UNC13C: variants seen among roughly 807,000 people sequenced by gnomAD.
The protein encoded by UNC13C is protein unc-13 homolog C.
A neutral mutation model predicts 245.4 loss-of-function variants in UNC13C; 174 were observed. That is an observed-to-expected ratio of 0.71 (90% CI 0.63 to 0.80). The LOEUF (loss-of-function observed/expected upper bound fraction) is 0.80, where lower values mean the gene tolerates loss of function less well. UNC13C is among the 30% of genes least tolerant of loss of function. The pLI is 0.00. For missense variants in UNC13C, 2,829 were observed against 2,602.9 expected, an observed-to-expected ratio of 1.09 and a Z score of -1.89; for synonymous variants, 992 against 895.1, an observed-to-expected ratio of 1.11 and a Z score of -1.93.
chr15:54,097,675 G>A (rs1486386370), intron 2 of UNC13C, among the ~76,000 whole-genome samples: 3 of 152,116 alleles, frequency 2.0e-5, no homozygotes, highest in Non-Finnish European at 1.5e-5. Context: ...AAGTCCTCAT[G>A]TAATTCATCT....
At chr15:53,970,126 C>A in the UNC13C span, among the ~76,000 whole-genome samples, 150 of 151,812 alleles carry the variant, frequency 9.9e-4, no homozygotes, top group Non-Finnish European at 1.8e-3. Flanking sequence ...TCTTGGCTCA[C>A]TCCTCACTCC....
At chr15:54,252,012 G>T (rs1026770619) in intron 8 of UNC13C, among the ~76,000 whole-genome samples, 5 of 152,128 alleles carry the variant, frequency 3.3e-5, no homozygotes, top group African/African-American at 1.2e-4. Context: ...TATTTTAAAG[G>T]AAGGGGGATT....
chr15:53,892,001 G>A, the UNC13C span, among the ~76,000 whole-genome samples: 1 of 152,184 alleles, frequency 6.6e-6, no homozygotes, highest in Non-Finnish European at 1.5e-5. Context: ...GCTGGTACCG[G>A]TTGTTCCTTT....
rs1206243114 is a variant in UNC13C, at chr15:53,996,463, G to A, written c.-256-16185G>A. Among the ~76,000 whole-genome samples, 20 of 152,002 alleles carry A rather than the reference G, an allele frequency of 1.3e-4. No homozygotes were observed. The South Asian group carries it at 1.7e-3, about 13-fold the overall frequency. On this transcript the variant is annotated intron_variant, in intron 1 of 32. Coordinates refer to ENST00000260323, the MANE Select transcript of UNC13C (RefSeq NM_001080534.3). ...TGAACCACTTTTTCTGTATATATTC[G>A]TATTTTATTATTTAGATATTTTTAT...
chr15:53,941,715 A>G, the UNC13C span, among the ~76,000 whole-genome samples: 1 of 152,238 alleles, frequency 6.6e-6, no homozygotes, highest in African/African-American at 2.4e-5. Context: ...CAAAATTACA[A>G]GAAAAAAACA....
At chr15:54,472,033 T>C (rs1015794821) in intron 19 of UNC13C, among the ~76,000 whole-genome samples, 2 of 151,816 alleles carry the variant, frequency 1.3e-5, no homozygotes, top group Non-Finnish European at 3.0e-5. Context: ...AGATCCTTTA[T>C]TCCTTTCTGT....
intron 17 of UNC13C, among the ~76,000 whole-genome samples, chr15:54,380,580 C>A (rs571831651): frequency 4.1e-4 from 62 of 152,220 alleles, no homozygotes; most frequent in African/African-American, 1.4e-3. Context: ...ACATTCCCAT[C>A]AAAAGTGTGC....
the UNC13C span, among the ~76,000 whole-genome samples, chr15:53,937,803 G>A: frequency 6.6e-6 from 1 of 152,010 alleles, no homozygotes; most frequent in Non-Finnish European, 1.5e-5. Context: ...AAGTGACGGA[G>A]AACAATGTTC....
At chr15:54,459,870 A>G (rs1046884196) in intron 19 of UNC13C, among the ~76,000 whole-genome samples, 1 of 152,096 alleles carries the variant, frequency 6.6e-6, no homozygotes, top group African/African-American at 2.4e-5. Context: ...AATAATAACA[A>G]TCAAACTTCT....
chr15:54,455,225 A>C (rs1891438629), intron 19 of UNC13C, among the ~76,000 whole-genome samples: 1 of 79,954 alleles, frequency 1.3e-5, no homozygotes. Context: ...ATATATATAT[A>C]TATATATATA....
At chr15:54,516,838 A>T (rs925394986) in intron 24 of UNC13C, among the ~76,000 whole-genome samples, 19 of 151,854 alleles carry the variant, frequency 1.3e-4, no homozygotes, top group African/African-American at 3.9e-4. Context: ...AAAATAACAC[A>T]GAATACCCGT....
At chr15:54,067,095 G>A (rs561570208) in intron 2 of UNC13C, among the ~76,000 whole-genome samples, 2 of 152,020 alleles carry the variant, frequency 1.3e-5, no homozygotes, top group Admixed American at 1.3e-4. Flanking sequence ...GATTATTAAG[G>A]CAATAATTCT....
chr15:54,460,380 C>A (rs369457198), intron 19 of UNC13C, among the ~76,000 whole-genome samples: 2 of 152,212 alleles, frequency 1.3e-5, no homozygotes, highest in East Asian at 3.9e-4. Flanking sequence ...GTTATGCTAG[C>A]AGTGAAGCTG....
the UNC13C span, among the ~76,000 whole-genome samples, chr15:53,936,306 C>G: frequency 2.6e-5 from 4 of 152,154 alleles, no homozygotes; most frequent in Non-Finnish European, 4.4e-5. Flanking sequence ...TCCCTCATCA[C>G]TGGGTAGGGG....
the UNC13C span, among the ~76,000 whole-genome samples, chr15:53,897,995 A>G: frequency 6.6e-6 from 1 of 152,150 alleles, no homozygotes; most frequent in African/African-American, 2.4e-5. Flanking sequence ...ATTTTGTATA[A>G]TAAAAACCTT....
At chr15:54,288,033 T>C (rs1440956850) in intron 10 of UNC13C, among the ~76,000 whole-genome samples, 1 of 152,130 alleles carries the variant, frequency 6.6e-6, no homozygotes, top group Non-Finnish European at 1.5e-5. Flanking sequence ...TTAAACACTA[T>C]GTATCTTTGT....
chr15:53,921,490 C>T, the UNC13C span, among the ~76,000 whole-genome samples: 3 of 152,160 alleles, frequency 2.0e-5, no homozygotes, highest in Non-Finnish European at 4.4e-5. Context: ...TTGGCCAATT[C>T]TCTGTGGAGA....
At chr15:54,498,529 G>A (rs79690656) in intron 20 of UNC13C, among the ~76,000 whole-genome samples, 1 of 152,016 alleles carries the variant, frequency 6.6e-6, no homozygotes, top group African/African-American at 2.4e-5. Context: ...AGCTAAAACA[G>A]GAAGTAGATG....
chr15:54,005,762 A>G (rs1282924417), intron 1 of UNC13C, among the ~76,000 whole-genome samples: 3 of 152,238 alleles, frequency 2.0e-5, no homozygotes, highest in Non-Finnish European at 4.4e-5. Context: ...AGGACATTCT[A>G]GACAGAGTGA....
Sources: gnomAD v4.1 joint callset for allele counts (sites outside exome capture counted in the v4.1 genomes callset) on GRCh38, gnomAD v4.1.1 for gene constraint, MANE v1.5 for transcripts, NCBI Gene and HGNC (gene_info 2026-07-23, HGNC 2026-07-21) for gene names.